FAM185A: variants seen among roughly 807,000 people sequenced by gnomAD.
FAM185A encodes the protein protein FAM185A.
A neutral mutation model predicts 45.7 loss-of-function variants in FAM185A; 21 were observed. That is an observed-to-expected ratio of 0.46 (90% CI 0.33 to 0.66). FAM185A has a LOEUF of 0.66. Ranked by LOEUF, FAM185A falls within the 30% of genes least tolerant of loss-of-function variation. The probability of loss-of-function intolerance (pLI) is 0.03; values close to 1 mark genes in which losing one functional copy is unlikely to be tolerated. For missense variants in FAM185A, 305 were observed against 485.4 expected, an observed-to-expected ratio of 0.63 and a Z score of 3.49; for synonymous variants, 117 against 194.0, an observed-to-expected ratio of 0.60 and a Z score of 3.30.
chr7:102,808,248 A>G (rs1797250276), intron 7 of FAM185A, 42 bp from the exon 8 acceptor site: 3 of 1,290,086 alleles, frequency 2.3e-6, no homozygotes, highest in African/African-American at 1.5e-5. Flanking sequence ...TATGTGGTCA[A>G]TTAATGCTCT....
chr7:102,799,828 G>A (rs1796669181), intron 7 of FAM185A, among the ~76,000 whole-genome samples: 1 of 152,154 alleles, frequency 6.6e-6, no homozygotes, highest in Admixed American at 6.5e-5. Flanking sequence ...GTTTTTAAAG[G>A]TGGAGAGAGC....
intron 6 of FAM185A, among the ~76,000 whole-genome samples, chr7:102,783,367 G>A (rs1412605753): frequency 1.4e-4 from 21 of 151,934 alleles, no homozygotes; most frequent in African/African-American, 2.4e-4. Context: ...GCACCACACC[G>A]CACTTATTCC....
chr7:102,809,978 T>C (rs1797341507), downstream of FAM185A, among the ~76,000 whole-genome samples: 1 of 152,140 alleles, frequency 6.6e-6, no homozygotes, highest in Admixed American at 6.5e-5. Flanking sequence ...TCTCTCTTGC[T>C]CCTGCTCTTG....
intron 4 of FAM185A, among the ~76,000 whole-genome samples, chr7:102,764,373 TG>T (rs1204936288): frequency 6.8e-6 from 1 of 146,790 alleles, no homozygotes; most frequent in Non-Finnish European, 1.5e-5. Flanking sequence ...CCTAAGGGAT[TG>T]TATGAACATG....
downstream of FAM185A, among the ~76,000 whole-genome samples, chr7:102,814,130 A>C (rs767260377): frequency 6.6e-6 from 1 of 152,230 alleles, no homozygotes; most frequent in Non-Finnish European, 1.5e-5. Flanking sequence ...TAAAGAATGC[A>C]TCAGAAAAAA....
chr7:102,836,225 T>C, the FAM185A span, among the ~76,000 whole-genome samples: 1 of 152,228 alleles, frequency 6.6e-6, no homozygotes, highest in African/African-American at 2.4e-5. Flanking sequence ...ACAAGGTCTA[T>C]GATACATTCA....
At chr7:102,783,063 A>G (rs934177984) in intron 6 of FAM185A, among the ~76,000 whole-genome samples, 45 of 152,092 alleles carry the variant, frequency 3.0e-4, no homozygotes, top group Non-Finnish European at 5.9e-4. Context: ...AGGCCATTAC[A>G]TAATGGTAAA....
At chr7:102,811,841 C>A (rs1227370347), downstream of FAM185A, among the ~76,000 whole-genome samples, 2 of 152,140 alleles carry the variant, frequency 1.3e-5, no homozygotes, top group South Asian at 2.1e-4. Context: ...TGCCTGTGTG[C>A]CCACTCCTAG....
intron 7 of FAM185A, among the ~76,000 whole-genome samples, chr7:102,800,540 A>G (rs1186860124): frequency 6.6e-6 from 1 of 152,226 alleles, no homozygotes; most frequent in Non-Finnish European, 1.5e-5. Context: ...AATAGATAGC[A>G]TAAATAAAAA....
the FAM185A span, among the ~76,000 whole-genome samples, chr7:102,839,023 C>T: frequency 2.6e-5 from 4 of 152,212 alleles, no homozygotes; most frequent in African/African-American, 4.8e-5. Context: ...CCCCTGGAAA[C>T]GGCATGTCTT....
rs755788433 is a variant in FAM185A at position 102,749,489 on chromosome 7, C to T, written c.282C>T (p.Thr94=). 1.3e-6 allele frequency: 2 copies of T among 1,538,392 alleles called. No homozygotes were observed. Among genetic ancestry groups the T allele is most frequent in the Admixed American group, 4.0e-5 (2 of 49,470 alleles). Residue 94 remains threonine (T), a synonymous_variant, in exon 1 of 8, where the codon ACC becomes ACT. Transcript: ENST00000413034. ...HLAVRPLDPL[T]YPDGDRVLVA... ...CCGTGAGGCCCCTGGACCCCCTCAC[C>T]TACCCGGATGGCGACCGCGTGCTGG... is the stretch of plus-strand genomic sequence containing the variant.
chr7:102,784,798 C>T (rs1420664878), intron 6 of FAM185A, among the ~76,000 whole-genome samples: 1 of 152,204 alleles, frequency 6.6e-6, no homozygotes, highest in Non-Finnish European at 1.5e-5. Flanking sequence ...TCTCTCACCA[C>T]TCCTCTTCAA....
intron 6 of FAM185A, among the ~76,000 whole-genome samples, chr7:102,786,887 C>A (rs1795839389): frequency 6.6e-6 from 1 of 150,766 alleles, no homozygotes; most frequent in African/African-American, 2.4e-5. Flanking sequence ...CCAGCACGAG[C>A]ACTAGTGGGA....
chr7:102,762,162 G>A (rs1011190537), intron 4 of FAM185A, among the ~76,000 whole-genome samples: 11 of 152,188 alleles, frequency 7.2e-5, no homozygotes, highest in Non-Finnish European at 1.5e-4. Context: ...TGTTTTGCGT[G>A]TATTTGTACT....
At chr7:102,850,193 C>T in the FAM185A span, among the ~76,000 whole-genome samples, 1 of 151,994 alleles carries the variant, frequency 6.6e-6, no homozygotes, top group Non-Finnish European at 1.5e-5. Flanking sequence ...AATCTCAGAG[C>T]ACCTAAAAAT....
chr7:102,806,926 GGAGGGGAGCAAGCTGCACA>G (rs1465480139), intron 7 of FAM185A, among the ~76,000 whole-genome samples: 1 of 152,098 alleles, frequency 6.6e-6, no homozygotes, highest in Non-Finnish European at 1.5e-5. Context: ...AAAGAGTTCC[GGAGGGGAGCAAGCTGCACA>G]GAGGGGATTG....
the FAM185A span, among the ~76,000 whole-genome samples, chr7:102,834,084 A>AAG: frequency 7.2e-3 from 726 of 101,064 alleles, 26 homozygotes; most frequent in South Asian, 0.02. Context: ...AAGGAAGGAA[A>AAG]GAAAAGAAAG....
At chr7:102,780,559 C>T (rs1795338768) in intron 6 of FAM185A, among the ~76,000 whole-genome samples, 1 of 152,136 alleles carries the variant, frequency 6.6e-6, no homozygotes, top group African/African-American at 2.4e-5. Context: ...ACACAAGGCA[C>T]ATCTGAAAGC....
At chr7:102,822,153 G>A in the FAM185A span, 32 of 1,614,044 alleles carry the variant, frequency 2.0e-5, no homozygotes, top group Non-Finnish European at 2.5e-5. Flanking sequence ...TATCCAAAAT[G>A]TGCAGGTAAT....
Sources: allele counts gnomAD v4.1 joint callset (sites outside exome capture counted in the v4.1 genomes callset), GRCh38; gene constraint gnomAD v4.1.1; transcripts MANE v1.5; gene names NCBI Gene and HGNC (gene_info 2026-07-23, HGNC 2026-07-21).